ACP6: variants seen among roughly 807,000 people sequenced by gnomAD.
ACP6 encodes the protein acid phosphatase 6, lysophosphatidic, also known as lysophosphatidic acid phosphatase type 6.
In ACP6, 48 loss-of-function variants were observed where a neutral mutation model predicts 48.1. The ratio of observed to expected loss-of-function variants is 1.00; its 90% CI spans 0.79 to 1.27. The LOEUF (loss-of-function observed/expected upper bound fraction) is 1.27. Ranked by LOEUF, ACP6 falls within the 50% of genes most tolerant of loss-of-function variation. The probability of loss-of-function intolerance (pLI) is 0.00; values close to 1 mark genes in which losing one functional copy is unlikely to be tolerated. For synonymous variants in ACP6, 172 were observed against 204.2 expected (o/e 0.84, Z 1.34); for missense variants, 485 against 529.1 (o/e 0.92, Z 0.82).
chr1:147,670,180 A>T lies in ACP6; in HGVS notation c.-132T>A. The T allele has an allele frequency of 2.5e-6, 2 of 812,418 alleles. No individual in the cohort carries two copies. Among genetic ancestry groups the T allele is most frequent in the South Asian group, 3.8e-5 (2 of 53,006 alleles). 50.3% of individuals were successfully genotyped at this position (812,418 alleles called of 1,614,324 possible). ...GGATGCGTACATCCAGCCCTTCAGC[A>T]AGCAGGGACCGCTGTGCCTCCCGGC... On this transcript the variant is annotated 5_prime_UTR_variant, in exon 1 of 10. Transcript: ENST00000583509.
chr1:147,656,923 T>C (rs1553211730), intron 4 of ACP6, among the ~76,000 whole-genome samples: 4 of 151,866 alleles, frequency 2.6e-5, no homozygotes, highest in Non-Finnish European at 5.9e-5. Context: ...TTACATTGTA[T>C]TGGGTATTAT....
At chr1:147,651,692 C>T (rs1441057208) in intron 7 of ACP6, 3 of 152,140 alleles carry the variant, frequency 2.0e-5, no homozygotes, top group Non-Finnish European at 4.4e-5. Context: ...GGAATGCAGT[C>T]AGGGGCTCTT....
Position 147,670,427 on chromosome 1 carries a change from G to C in ACP6, c.-379C>G, listed in dbSNP as rs1018630390. 5.9e-6 allele frequency: 1 copy of C among 168,578 alleles called. No individual in the cohort carries two copies. The highest frequency in any genetic ancestry group is 1.3e-5 in the Non-Finnish European group (1 of 78,914). The allele number at this position is 168,578 out of a possible 1,614,324, so 10.4% of individuals were successfully genotyped here. On this transcript the variant is annotated 5_prime_UTR_variant, in exon 1 of 10. Transcript: ENST00000583509. ...AACAGGAGCCGGCCCTGAGTTCCCT[G>C]GCGGCAGCGGCTCCACCAGCAAGGA...
chr1:147,634,718 A>C (rs1553207808), intron 5 of ACP6, among the ~76,000 whole-genome samples: 1 of 152,154 alleles, frequency 6.6e-6, no homozygotes, highest in Non-Finnish European at 1.5e-5. Flanking sequence ...TCTTTGATTG[A>C]TTCATCAGTC....
chr1:147,652,718 T>A, intron 6 of ACP6, 169 bp from the exon 7 acceptor site: 3 of 1,387,288 alleles, frequency 2.2e-6, no homozygotes, highest in Non-Finnish European at 3.0e-6. Flanking sequence ...TCTCTAAAGC[T>A]CTTCCAAAGC....
intron 5 of ACP6, among the ~76,000 whole-genome samples, chr1:147,636,383 A>G (rs1406369136): frequency 9.9e-5 from 15 of 152,250 alleles, no homozygotes; most frequent in Admixed American, 9.8e-4. Context: ...GGAAGATCAC[A>G]AGAAGCGGGA....
chr1:147,653,191 C>T (rs193231485), intron 6 of ACP6, among the ~76,000 whole-genome samples: 13 of 150,848 alleles, frequency 8.6e-5, no homozygotes, highest in African/African-American at 3.2e-4. Flanking sequence ...AATGCAGTGG[C>T]GTGATCTCGG....
chr1:147,648,566 G>A lies in ACP6; in HGVS notation c.978-155C>T, dbSNP rs138158473. ...GTATAAAAGTCCTTTGCAGTAGATCGTGGGAAGAACCCTTGTTCCCACTCC... is the reference window on the plus strand; with the variant it reads ...GTATAAAAGTCCTTTGCAGTAGATCATGGGAAGAACCCTTGTTCCCACTCC... On this transcript the variant is annotated intron_variant, in intron 8 of 9. Coordinates refer to ENST00000583509, the MANE Select transcript of ACP6 (RefSeq NM_016361.5). Among the ~76,000 whole-genome samples, 683 of 152,246 alleles carry A rather than the reference G, an allele frequency of 4.5e-3. 4 individuals are homozygous for A. Among genetic ancestry groups the A allele is most frequent in the Middle Eastern group, 6.8e-3 (2 of 292 alleles).
downstream of ACP6, among the ~76,000 whole-genome samples, chr1:147,639,361 C>T (rs1170000900): frequency 6.6e-6 from 1 of 152,154 alleles, no homozygotes; most frequent in African/African-American, 2.4e-5. Context: ...TTTCCCCTTC[C>T]TGATCTCTTC....
At chr1:147,649,242 ACCTG>A (rs1263922412) in intron 8 of ACP6, among the ~76,000 whole-genome samples, 1 of 152,144 alleles carries the variant, frequency 6.6e-6, no homozygotes, top group Non-Finnish European at 1.5e-5. Context: ...ACTATCAATC[ACCTG>A]GGGATCTTGT....
intron 4 of ACP6, among the ~76,000 whole-genome samples, chr1:147,657,209 C>T (rs1477316786): frequency 8.1e-6 from 1 of 124,186 alleles, no homozygotes; most frequent in African/African-American, 2.6e-5. Context: ...ATTTTGGACC[C>T]AGTTTATGAT....
intron 4 of ACP6, among the ~76,000 whole-genome samples, chr1:147,657,718 C>T (rs1660330125): frequency 6.6e-6 from 1 of 151,930 alleles, no homozygotes; most frequent in East Asian, 1.9e-4. Flanking sequence ...TGTGCCTGGC[C>T]CCTTCTGGGA....
At position 147,647,094 on chromosome 1, in the gene ACP6, T is replaced by A. The variant is rs1286501421; in HGVS notation, c.*329A>T. On this transcript the variant is annotated 3_prime_UTR_variant, in exon 10 of 10. Coordinates refer to ENST00000583509, the MANE Select transcript of ACP6 (RefSeq NM_016361.5). ...GATCACTACTTAGTAGGTAGCTCAA[T>A]ACATGTGAAATTAATATAGGAGAAA... 2 of 275,440 alleles carry A rather than the reference T, an allele frequency of 7.3e-6. No individual in the cohort carries two copies. The highest frequency in any genetic ancestry group is 4.5e-5 in the African/African-American group (2 of 44,620). 17.1% of individuals were successfully genotyped at this position (275,440 alleles called of 1,614,324 possible).
chr1:147,658,776 C>T (rs1660381776), intron 4 of ACP6, among the ~76,000 whole-genome samples, 184 bp downstream of exon 4: 1 of 152,134 alleles, frequency 6.6e-6, no homozygotes, highest in Non-Finnish European at 1.5e-5. Flanking sequence ...CTGTGGAGGT[C>T]AGGCTGGCAG....
Position 147,666,299 on chromosome 1 carries a change from T to A in ACP6, c.219+3531A>T, listed in dbSNP as rs1020887580. ...AGAGGATAGAGTAATATAATGAACA[T>A]CTTTTCAGCAGTCACAGCAATGAGT... On this transcript the variant is annotated intron_variant, in intron 1 of 9. Transcript: ENST00000583509. Among the ~76,000 whole-genome samples, 5 of 152,216 alleles carry A rather than the reference T, an allele frequency of 3.3e-5. No individual in the cohort carries two copies. In the East Asian group the frequency reaches 9.6e-4, roughly 29 times the overall value.
chr1:147,639,726 C>A (rs933101676), downstream of ACP6, among the ~76,000 whole-genome samples: 2 of 152,150 alleles, frequency 1.3e-5, no homozygotes, highest in South Asian at 2.1e-4. Context: ...CAAATTAATT[C>A]TCTGATGAAT....
rs781950198 is a variant in ACP6, at chr1:147,669,850, G to C, written c.199C>G (p.Pro67Ala). Residue 67 changes from proline to alanine, a missense_variant, in exon 1 of 10, where the codon CCG (proline) becomes GCG (alanine). By Grantham distance (27) the Pro-to-Ala change is conservative. Coordinates refer to ENST00000583509, the MANE Select transcript of ACP6 (RefSeq NM_016361.5). ...CTCACCTGCTCCTCCAGCGGGAGCG[G>C]CTTGAGAGGACTCCGAGCCCCGTGT... ...FRHGARSPLK[P>A]LPLEEQVEWN... 3 of 1,597,054 alleles carry C rather than the reference G, an allele frequency of 1.9e-6. No individual in the cohort carries two copies. In the East Asian group the frequency reaches 6.7e-5, roughly 36 times the overall value.
chr1:147,648,540 G>C (rs1553209979), intron 8 of ACP6, 129 bp from the exon 9 acceptor site: 7 of 1,076,360 alleles, frequency 6.5e-6, no homozygotes, highest in Non-Finnish European at 8.0e-6. Flanking sequence ...AGCTGAGCCT[G>C]GTATAAAAGT....
rs1553212191 is a variant in ACP6, at chr1:147,659,005, A to G, written c.514T>C (p.Ser172Pro). ...RSTNIFRNLESTRCLLAGLFQ... is the reference protein window; with the variant it reads ...RSTNIFRNLEPTRCLLAGLFQ... ...AGCCCAGCCAGCAAACAACGGGTGG[A>G]CTCCAGATTCCGAAAAATGTTAGTG... is the stretch of plus-strand genomic sequence containing the variant. The change falls in exon 4 of 10, where the codon TCC becomes CCC. Residue 172 changes from serine to proline, a missense_variant. Ser to Pro is a moderately conservative substitution (Grantham distance 74, BLOSUM62 -1). Transcript: ENST00000583509. 2 of 1,612,262 alleles carry G rather than the reference A, an allele frequency of 1.2e-6. No individual in the cohort carries two copies. The highest frequency in any genetic ancestry group is 3.4e-5 in the Admixed American group (2 of 59,670).
Sources: gnomAD v4.1 joint callset for allele counts (sites outside exome capture counted in the v4.1 genomes callset) on GRCh38, gnomAD v4.1.1 for gene constraint, MANE v1.5 for transcripts, NCBI Gene and HGNC (gene_info 2026-07-23, HGNC 2026-07-21) for gene names.